TMTC2: variants seen among roughly 807,000 people sequenced by gnomAD.
TMTC2 encodes the protein transmembrane O-mannosyltransferase targeting cadherins 2, also known as protein O-mannosyl-transferase TMTC2.
Under a neutral mutation model 82.4 loss-of-function variants are expected in TMTC2, and 43 were observed. That is an observed-to-expected ratio of 0.52 (90% confidence interval 0.41 to 0.67). The LOEUF (loss-of-function observed/expected upper bound fraction) is 0.67, where lower values mean the gene tolerates loss of function less well. Ranked by LOEUF, TMTC2 falls within the 30% of genes least tolerant of loss-of-function variation. The pLI is 0.00. For missense variants in TMTC2, 919 were observed against 1,012.4 expected, an observed-to-expected ratio of 0.91 and a Z score of 1.25; for synonymous variants, 408 against 381.9, an observed-to-expected ratio of 1.07 and a Z score of -0.80.
chr12:82,828,182 C>T (rs1246031377), intron 1 of TMTC2, among the ~76,000 whole-genome samples: 7 of 149,642 alleles, frequency 4.7e-5, no homozygotes, highest in Non-Finnish European at 1.0e-4. Context: ...AGTGAGCTAC[C>T]GTGCCTGGCC....
chr12:83,102,116 A>G (rs1032192010), intron 11 of TMTC2, among the ~76,000 whole-genome samples: 1 of 152,242 alleles, frequency 6.6e-6, no homozygotes, highest in Admixed American at 6.5e-5. Context: ...TCAGGCCCGT[A>G]AGGTGCAAAT....
chr12:82,695,578 T>C (rs534336899), intron 1 of TMTC2, among the ~76,000 whole-genome samples: 75 of 152,368 alleles, frequency 4.9e-4, no homozygotes, highest in African/African-American at 1.6e-3. Context: ...AATGAAAGCA[T>C]GTCTGCTCAG....
At chr12:82,838,048 A>T (rs1214328897) in intron 1 of TMTC2, among the ~76,000 whole-genome samples, 1 of 152,220 alleles carries the variant, frequency 6.6e-6, no homozygotes, top group East Asian at 1.9e-4. Flanking sequence ...TATATAAAAA[A>T]TACTTGGAAA....
At chr12:82,757,359 A>C (rs1876383674) in intron 1 of TMTC2, among the ~76,000 whole-genome samples, 1 of 152,224 alleles carries the variant, frequency 6.6e-6, no homozygotes, top group Non-Finnish European at 1.5e-5. Flanking sequence ...AAATCTCTTT[A>C]AAACGTTAAC....
chr12:82,810,405 T>C (rs1443014607), intron 1 of TMTC2, among the ~76,000 whole-genome samples: 1 of 150,072 alleles, frequency 6.7e-6, no homozygotes, highest in African/African-American at 2.4e-5. Context: ...GAATTATTTT[T>C]ATTTTTTTTA....
At chr12:83,037,063 A>G (rs1881692698) in intron 9 of TMTC2, among the ~76,000 whole-genome samples, 12 of 152,146 alleles carry the variant, frequency 7.9e-5, no homozygotes, top group Admixed American at 7.9e-4. Flanking sequence ...GGCCCCACCT[A>G]CCATCATCAC....
chr12:83,037,955 A>G (rs1195911769), intron 9 of TMTC2, among the ~76,000 whole-genome samples: 1 of 152,112 alleles, frequency 6.6e-6, no homozygotes, highest in East Asian at 1.9e-4. Flanking sequence ...AAAATAGAAT[A>G]TAAAGAACAA....
intron 7 of TMTC2, among the ~76,000 whole-genome samples, chr12:82,974,749 T>G (rs1878595486): frequency 6.6e-6 from 1 of 152,188 alleles, no homozygotes; most frequent in Non-Finnish European, 1.5e-5. Context: ...TGCATAGGTT[T>G]GATGAAGCAT....
chr12:83,128,473 A>G (rs1029658925), intron 11 of TMTC2, among the ~76,000 whole-genome samples: 3 of 152,004 alleles, frequency 2.0e-5, no homozygotes, highest in Non-Finnish European at 2.9e-5. Context: ...GAAGAATTCT[A>G]TTTTGGGGGA....
intron 9 of TMTC2, among the ~76,000 whole-genome samples, chr12:83,032,257 T>TATATA (rs1881460375): frequency 1.5e-5 from 2 of 130,858 alleles, no homozygotes; most frequent in African/African-American, 2.9e-5. Context: ...AGAGAATATT[T>TATATA]TATATATATA....
At chr12:83,041,980 A>G (rs917396260) in intron 9 of TMTC2, among the ~76,000 whole-genome samples, 4 of 152,194 alleles carry the variant, frequency 2.6e-5, no homozygotes, top group African/African-American at 4.8e-5. Context: ...CTCCAGTCTT[A>G]CCTATTTTGA....
intron 1 of TMTC2, among the ~76,000 whole-genome samples, chr12:82,743,446 CAA>C (rs370208896): frequency 1.1e-4 from 9 of 83,740 alleles, no homozygotes; most frequent in Admixed American, 1.3e-4. Context: ...GACTCCGTCT[CAA>C]AAAAAAAAAA....
chr12:83,076,548 C>T (rs1213489023), intron 11 of TMTC2, among the ~76,000 whole-genome samples: 1 of 152,218 alleles, frequency 6.6e-6, no homozygotes, highest in Non-Finnish European at 1.5e-5. Flanking sequence ...ACCACACTGA[C>T]CCACATTCCT....
At position 83,045,707 on chromosome 12, in the gene TMTC2, T is replaced by TCACACACACA. The variant is rs143555229; in HGVS notation, c.2153-5187_2153-5178dup. Among the ~76,000 whole-genome samples, 126 of 122,768 alleles carry TCACACACACA rather than the reference T, an allele frequency of 1.0e-3. 8 individuals are homozygous for TCACACACACA. Among genetic ancestry groups the TCACACACACA allele is most frequent in the South Asian group, 3.7e-3 (14 of 3,738 alleles). 80.5% of individuals were successfully genotyped at this position (122,768 alleles called of 152,430 possible). A position where few individuals can be genotyped will look rare whatever the true frequency, so the allele number is the denominator to read the frequency against. On this transcript the variant is annotated intron_variant, in intron 9 of 11. Transcript: ENST00000321196. ...GCTTATAGGGCAGGAAAGGGCTCCT[T>TCACACACACA]CACACACACACACACACACGCACAC...
At chr12:82,781,702 G>GTTTTTTTTTTTTTTTTT (rs1251785252) in intron 1 of TMTC2, among the ~76,000 whole-genome samples, 1 of 126,232 alleles carries the variant, frequency 7.9e-6, no homozygotes, top group Non-Finnish European at 1.7e-5. Flanking sequence ...TATTATTATT[G>GTTTTTTTTTTTTTTTTT]TTTTTTTTTT....
intron 8 of TMTC2, among the ~76,000 whole-genome samples, chr12:82,995,767 T>C (rs1879589543): frequency 6.6e-6 from 1 of 152,184 alleles, no homozygotes; most frequent in African/African-American, 2.4e-5. Flanking sequence ...CCCTCCTGTT[T>C]TCTGAAAGCA....
At chr12:82,763,881 T>C (rs1876794097) in intron 1 of TMTC2, among the ~76,000 whole-genome samples, 1 of 152,214 alleles carries the variant, frequency 6.6e-6, no homozygotes, top group Non-Finnish European at 1.5e-5. Context: ...AATCATTTTA[T>C]GATGCTAGCA....
chr12:82,956,015 T>C (rs1002598718), intron 4 of TMTC2, among the ~76,000 whole-genome samples: 1 of 152,144 alleles, frequency 6.6e-6, no homozygotes, highest in Non-Finnish European at 1.5e-5. Flanking sequence ...CAACTCCGTA[T>C]GATATGGACT....
At chr12:82,688,255 C>T (rs1359073218) in intron 1 of TMTC2, among the ~76,000 whole-genome samples, 1 of 152,214 alleles carries the variant, frequency 6.6e-6, no homozygotes, top group Admixed American at 6.5e-5. Flanking sequence ...CCGCCCTAGC[C>T]TCCTTCACCA....
Sources: allele counts gnomAD v4.1 joint callset (sites outside exome capture counted in the v4.1 genomes callset), GRCh38; gene constraint gnomAD v4.1.1; transcripts MANE v1.5; gene names NCBI Gene and HGNC (gene_info 2026-07-23, HGNC 2026-07-21).